Variants in VTI1A observed in about 807,000 individuals in gnomAD.
The protein encoded by VTI1A is vesicle transport through interaction with t-SNAREs homolog 1A.
Under a neutral mutation model 34.9 loss-of-function variants are expected in VTI1A, and 22 were observed. The ratio of observed to expected loss-of-function variants is 0.63; its 90% CI spans 0.45 to 0.90. The LOEUF (loss-of-function observed/expected upper bound fraction) is 0.90, where lower values mean the gene tolerates loss of function less well. Ranked by LOEUF, VTI1A falls within the 40% of genes least tolerant of loss-of-function variation. The probability of loss-of-function intolerance (pLI) is 0.00; values close to 1 mark genes in which losing one functional copy is unlikely to be tolerated. For synonymous variants in VTI1A, 87 were observed against 97.3 expected, an observed-to-expected ratio of 0.89 and a Z score of 0.62; for missense variants, 268 against 275.6, an observed-to-expected ratio of 0.97 and a Z score of 0.20.
chr10:112,788,765 T>A (rs1484456222), intron 7 of VTI1A, among the ~76,000 whole-genome samples: 1 of 152,208 alleles, frequency 6.6e-6, no homozygotes, highest in African/African-American at 2.4e-5. Context: ...TCTGCCTCCT[T>A]TTTAAAAATA....
chr10:112,533,762 CT>C (rs1850528609), intron 4 of VTI1A, among the ~76,000 whole-genome samples: 2 of 151,468 alleles, frequency 1.3e-5, no homozygotes, highest in African/African-American at 4.9e-5. Context: ...GATCATTGTT[CT>C]TTGTTGGAAC....
chr10:112,772,380 C>T (rs1012257631), intron 7 of VTI1A, among the ~76,000 whole-genome samples: 4 of 152,238 alleles, frequency 2.6e-5, no homozygotes, highest in East Asian at 3.9e-4. Flanking sequence ...ATCCTTTGCT[C>T]GCTTTTTAAT....
the VTI1A span, chr10:112,831,864 T>C: frequency 6.6e-6 from 1 of 152,294 alleles, no homozygotes; most frequent in East Asian, 1.9e-4. Flanking sequence ...TACCTTTTAC[T>C]AAGATGGTTA....
In VTI1A at chr10:112,761,920, C is replaced by T. The variant is rs145725983; in HGVS notation, c.561-53370C>T. Among the ~76,000 whole-genome samples the T allele has an allele frequency of 2.4e-3, 367 of 152,162 alleles. 2 individuals carry two copies. Among genetic ancestry groups the T allele is most frequent in the African/African-American group, 8.2e-3 (339 of 41,494 alleles). On this transcript the variant is annotated intron_variant, in intron 7 of 7. Transcript: ENST00000393077. ...TATTTTGTTTTCTGAATATCTACTC[C>T]GCGATCTGAGTAAATAAAGTCTTTT... is the stretch of plus-strand genomic sequence containing the variant.
At chr10:112,753,098 T>C (rs1314190030) in intron 7 of VTI1A, among the ~76,000 whole-genome samples, 3 of 152,090 alleles carry the variant, frequency 2.0e-5, no homozygotes, top group Admixed American at 2.0e-4. Context: ...GATCAGAGTT[T>C]ATAAAATAGA....
At chr10:112,560,891 C>T (rs1317919970) in intron 5 of VTI1A, among the ~76,000 whole-genome samples, 2 of 152,078 alleles carry the variant, frequency 1.3e-5, no homozygotes, top group Non-Finnish European at 2.9e-5. Context: ...GCCACCGCGC[C>T]TGGCCAGAAG....
intron 5 of VTI1A, among the ~76,000 whole-genome samples, chr10:112,636,809 A>T (rs1846372338): frequency 6.6e-6 from 1 of 152,166 alleles, no homozygotes; most frequent in Non-Finnish European, 1.5e-5. Context: ...CAGTCAGTAT[A>T]AATTAAATGC....
chr10:112,527,264 A>G (rs1471705592), intron 4 of VTI1A, 100 bp downstream of exon 4: 3 of 967,412 alleles, frequency 3.1e-6, no homozygotes, highest in Admixed American at 2.1e-5. Flanking sequence ...ATTAGCAGCA[A>G]CTCATGTGGA....
At chr10:112,629,339 A>G (rs1206945815) in intron 5 of VTI1A, among the ~76,000 whole-genome samples, 1 of 152,230 alleles carries the variant, frequency 6.6e-6, no homozygotes, top group Non-Finnish European at 1.5e-5. Context: ...TTTTCACAGA[A>G]AAAGAGATTT....
At chr10:112,666,067 A>G (rs536455499) in intron 5 of VTI1A, among the ~76,000 whole-genome samples, 2 of 152,318 alleles carry the variant, frequency 1.3e-5, no homozygotes, top group East Asian at 1.9e-4. Context: ...TGGAATAGTA[A>G]TAACAGTATG....
At chr10:112,781,545 A>T (rs1236406259) in intron 7 of VTI1A, among the ~76,000 whole-genome samples, 2 of 151,862 alleles carry the variant, frequency 1.3e-5, no homozygotes, top group African/African-American at 4.8e-5. Context: ...GTTGGTTAAG[A>T]CTTTGTCAGT....
At chr10:112,809,605 G>C (rs1250907792) in intron 7 of VTI1A, among the ~76,000 whole-genome samples, 1 of 152,186 alleles carries the variant, frequency 6.6e-6, no homozygotes, top group African/African-American at 2.4e-5. Flanking sequence ...CATCCTTAAT[G>C]GGACAGTGGC....
At chr10:112,799,490 A>G (rs1852797625) in intron 7 of VTI1A, among the ~76,000 whole-genome samples, 1 of 152,178 alleles carries the variant, frequency 6.6e-6, no homozygotes, top group Non-Finnish European at 1.5e-5. Flanking sequence ...CTCGCTTTAG[A>G]AAAAGGGCAG....
intron 5 of VTI1A, among the ~76,000 whole-genome samples, chr10:112,618,524 T>TATATATATATATAGAGAGAG (rs748276058): frequency 1.7e-4 from 6 of 34,584 alleles, no homozygotes; most frequent in Non-Finnish European, 2.6e-4. Context: ...TATATATATA[T>TATATATATATATAGAGAGAG]AGAGAGAGAG....
intron 3 of VTI1A, among the ~76,000 whole-genome samples, chr10:112,493,319 A>C (rs1219315947): frequency 1.3e-5 from 2 of 152,058 alleles, no homozygotes; most frequent in Non-Finnish European, 2.9e-5. Context: ...TGTATCCTGC[A>C]ACCTTGCTGA....
intron 7 of VTI1A, among the ~76,000 whole-genome samples, chr10:112,748,529 C>T (rs1035020769): frequency 6.6e-6 from 1 of 151,600 alleles, no homozygotes; most frequent in Admixed American, 6.6e-5. Flanking sequence ...ATTCTGAAAG[C>T]CAAGATGTGC....
At chr10:112,794,876 T>A (rs1165508927) in intron 7 of VTI1A, among the ~76,000 whole-genome samples, 1 of 152,212 alleles carries the variant, frequency 6.6e-6, no homozygotes, top group Non-Finnish European at 1.5e-5. Context: ...AGTTTTTCTT[T>A]GAAAATTATC....
intron 3 of VTI1A, among the ~76,000 whole-genome samples, chr10:112,500,769 A>G (rs1589834728): frequency 6.6e-6 from 1 of 152,134 alleles, no homozygotes; most frequent in East Asian, 1.9e-4. Context: ...GTTTTCTCTT[A>G]CAATTCTTTT....
At chr10:112,692,472 C>T (rs929217737) in intron 7 of VTI1A, among the ~76,000 whole-genome samples, 4 of 152,198 alleles carry the variant, frequency 2.6e-5, no homozygotes, top group Non-Finnish European at 5.9e-5. Flanking sequence ...ACTGAGGATT[C>T]CAGCCTTTGT....
Sources: allele counts gnomAD v4.1 joint callset (sites outside exome capture counted in the v4.1 genomes callset), GRCh38; gene constraint gnomAD v4.1.1; transcripts MANE v1.5; gene names NCBI Gene and HGNC (gene_info 2026-07-23, HGNC 2026-07-21).